Variants in MFHAS1 observed in about 807,000 individuals in gnomAD.
The protein encoded by MFHAS1 is multifunctional ROCO family signaling regulator 1, also known as malignant fibrous histiocytoma-amplified sequence 1.
In MFHAS1, 50 loss-of-function variants were observed where a neutral mutation model predicts 70.4. The ratio of observed to expected loss-of-function variants is 0.71; its 90% CI spans 0.57 to 0.90. The LOEUF (loss-of-function observed/expected upper bound fraction) is 0.90, where lower values mean the gene tolerates loss of function less well. Ranked by LOEUF, MFHAS1 falls within the 40% of genes least tolerant of loss-of-function variation. The pLI is 0.00. For missense variants in MFHAS1, 1,795 were observed against 1,347.6 expected (o/e 1.33, Z -5.20); for synonymous variants, 952 against 620.0 (o/e 1.54, Z -7.96).
chr8:8,880,678 T>A (rs887869582), intron 1 of MFHAS1, among the ~76,000 whole-genome samples: 6 of 140,546 alleles, frequency 4.3e-5, no homozygotes, highest in African/African-American at 1.6e-4. Flanking sequence ...CATCCCTTCC[T>A]TTTTTGTTTT....
At chr8:8,861,733 T>A (rs1157756043) in intron 1 of MFHAS1, among the ~76,000 whole-genome samples, 3 of 152,096 alleles carry the variant, frequency 2.0e-5, no homozygotes, top group Non-Finnish European at 4.4e-5. Flanking sequence ...CTGCAGTAAA[T>A]CCCTTCCCCA....
At chr8:8,838,145 G>A (rs1458681355) in intron 1 of MFHAS1, among the ~76,000 whole-genome samples, 1 of 152,198 alleles carries the variant, frequency 6.6e-6, no homozygotes, top group Non-Finnish European at 1.5e-5. Context: ...TACACTGAGT[G>A]AAAAGGTCAG....
intron 2 of MFHAS1, among the ~76,000 whole-genome samples, chr8:8,786,538 C>G (rs1184667095): frequency 2.0e-5 from 3 of 152,146 alleles, no homozygotes; most frequent in African/African-American, 7.2e-5. Flanking sequence ...GTTAAGTTGT[C>G]CACGCAAATC....
intron 2 of MFHAS1, among the ~76,000 whole-genome samples, chr8:8,794,384 C>A (rs1805822578): frequency 6.6e-6 from 1 of 152,178 alleles, no homozygotes; most frequent in Non-Finnish European, 1.5e-5. Flanking sequence ...CCCCCCAAAT[C>A]TCCCGCTTCC....
At chr8:8,829,793 G>A (rs528728981) in intron 1 of MFHAS1, among the ~76,000 whole-genome samples, 1 of 152,342 alleles carries the variant, frequency 6.6e-6, no homozygotes, top group South Asian at 2.1e-4. Flanking sequence ...AACTAGAAGG[G>A]AGGGGAAGAC....
rs745554677 is a variant in MFHAS1, at chr8:8,890,224, G to A, written c.2835C>T (p.Ser945=). ...VLQPDTLSIA[S]HASLPNIWTA... is the part of the protein sequence containing the mutation. ...TCCATATATTTGGTAATGATGCATG[G>A]CTAGCAATGGACAGGGTGTCTGGCT... The change falls in exon 1 of 3, where the codon AGC becomes AGT. Residue 945 remains serine, a synonymous_variant. Transcript: ENST00000276282. 22 of 1,614,168 alleles carry A rather than the reference G, an allele frequency of 1.4e-5. No individual in the cohort carries two copies. In the Admixed American group the frequency reaches 3.3e-4, roughly 24 times the overall value.
intron 2 of MFHAS1, among the ~76,000 whole-genome samples, chr8:8,794,933 T>C (rs1023460461): frequency 3.9e-5 from 6 of 152,340 alleles, no homozygotes; most frequent in Admixed American, 6.5e-5. Flanking sequence ...GGTATAAACG[T>C]GGTCTTTCTG....
chr8:8,814,633 G>A (rs574662793), intron 1 of MFHAS1, among the ~76,000 whole-genome samples: 1 of 152,286 alleles, frequency 6.6e-6, no homozygotes, highest in South Asian at 2.1e-4. Context: ...TGCAAAGTAT[G>A]TATCTGATAA....
At position 8,892,841 on chromosome 8, in the gene MFHAS1, T is replaced by C. The variant is rs765328930; in HGVS notation, c.218A>G (p.Asn73Ser). ...GDIEALNLGN[N>S]GLEEVPEGLG... ...CCCCTCGGGTACCTCCTCCAGGCCG[T>C]TGTTCCCCAGGTTCAGTGCCTCAAT... Residue 73 changes from asparagine (N) to serine (S), a missense_variant, in exon 1 of 3, where the codon AAC becomes AGC. Asn to Ser is a conservative substitution (Grantham distance 46). Coordinates refer to ENST00000276282, the MANE Select transcript of MFHAS1 (RefSeq NM_004225.3). This position sits in a 1 kb window ranked among gnomAD's most constrained non-coding sequence, Gnocchi z 4.7. The C allele has an allele frequency of 4.7e-5, 75 of 1,596,538 alleles. No homozygotes were observed. The highest frequency in any genetic ancestry group is 5.9e-5 in the Non-Finnish European group (69 of 1,172,282).
chr8:8,792,976 T>C (rs1483832862), intron 2 of MFHAS1, among the ~76,000 whole-genome samples: 1 of 152,224 alleles, frequency 6.6e-6, no homozygotes. Flanking sequence ...ATTCAAAGCA[T>C]GGAAATGACT....
At position 8,892,946 on chromosome 8, in the gene MFHAS1, C is replaced by G. The variant is rs1810146358; in HGVS notation, c.113G>C (p.Gly38Ala). The part of the protein sequence containing the change: ...NLRQLTLTAA[G>A]ACPGAGADAL... ...GTCGGCCCCGGCCCCGGGGCAGGCC[C>G]CGGCGGCGGTAAGCGTGAGCTGGCG... The change falls in exon 1 of 3, where the codon GGG (glycine) becomes GCG (alanine). Residue 38 changes from glycine (G) to alanine (A), a missense_variant. Transcript: ENST00000276282. This position sits in a 1 kb window ranked among gnomAD's most constrained non-coding sequence, Gnocchi z 4.7. The G allele has an allele frequency of 6.5e-7, 1 of 1,546,844 alleles. No individual in the cohort carries two copies.
intron 1 of MFHAS1, among the ~76,000 whole-genome samples, chr8:8,799,932 T>C (rs1375460693): frequency 1.3e-5 from 2 of 152,218 alleles, no homozygotes; most frequent in African/African-American, 4.8e-5. Context: ...AGGATGCTAA[T>C]GCTCAGGGAG....
chr8:8,870,240 G>C (rs921203664), intron 1 of MFHAS1, among the ~76,000 whole-genome samples: 2 of 146,838 alleles, frequency 1.4e-5, no homozygotes, highest in Non-Finnish European at 3.0e-5. Flanking sequence ...GATCACTTAA[G>C]CACAGGAGTT....
At chr8:8,830,691 C>T (rs1011077906) in intron 1 of MFHAS1, among the ~76,000 whole-genome samples, 27 of 152,162 alleles carry the variant, frequency 1.8e-4, no homozygotes, top group Non-Finnish European at 1.9e-4. Context: ...CAACCTCCGC[C>T]ACCCGGTTTC....
intron 1 of MFHAS1, among the ~76,000 whole-genome samples, chr8:8,806,214 G>C (rs1409252666): frequency 1.3e-5 from 2 of 151,452 alleles, no homozygotes; most frequent in African/African-American, 4.8e-5. Context: ...AAAAGCGTCA[G>C]AGTCTTGGCA....
chr8:8,783,822 T>C lies in MFHAS1; in HGVS notation c.*2200A>G, dbSNP rs1308078036. On this transcript the variant is annotated 3_prime_UTR_variant, in exon 3 of 3. Coordinates refer to ENST00000276282, the MANE Select transcript of MFHAS1 (RefSeq NM_004225.3). ...TTGCATAGACAGCTGAAGAGTCCTG[T>C]AGAGCAGAGTGATTTTTGTATCTCC... 3 of 152,156 alleles carry C rather than the reference T, an allele frequency of 2.0e-5. No homozygotes were observed. The highest frequency in any genetic ancestry group is 6.5e-5 in the Admixed American group (1 of 15,272). 9.4% of individuals were successfully genotyped at this position (152,156 alleles called of 1,614,324 possible).
intron 1 of MFHAS1, among the ~76,000 whole-genome samples, chr8:8,885,423 C>T (rs1442378949): frequency 6.6e-6 from 1 of 152,204 alleles, no homozygotes; most frequent in Non-Finnish European, 1.5e-5. Context: ...CACTCATCTG[C>T]TTAAAAGGAA....
At chr8:8,799,091 C>T (rs1026962266) in intron 1 of MFHAS1, among the ~76,000 whole-genome samples, 5 of 151,664 alleles carry the variant, frequency 3.3e-5, no homozygotes, top group Admixed American at 3.3e-4. Flanking sequence ...CTAGAGACTC[C>T]AAAGAAGAGC....
chr8:8,850,182 C>T (rs562736824), intron 1 of MFHAS1, among the ~76,000 whole-genome samples: 10 of 152,286 alleles, frequency 6.6e-5, no homozygotes, highest in African/African-American at 2.2e-4. Context: ...ATTTATAAAC[C>T]ATTAACTCTC....
Sources: allele counts gnomAD v4.1 joint callset (sites outside exome capture counted in the v4.1 genomes callset), GRCh38; gene constraint gnomAD v4.1.1; non-coding constraint Gnocchi (gnomAD v3.1); transcripts MANE v1.5; gene names NCBI Gene and HGNC (gene_info 2026-07-23, HGNC 2026-07-21).